DHRSX: variants seen among roughly 807,000 people sequenced by gnomAD.
The protein encoded by DHRSX is polyprenol dehydrogenase.
In DHRSX, 31 loss-of-function variants were observed where a neutral mutation model predicts 34.0. The ratio of observed to expected loss-of-function variants is 0.91; its 90% CI spans 0.69 to 1.23. DHRSX has a LOEUF of 1.23. DHRSX is among the 50% of genes most tolerant of loss of function. The pLI, the probability that DHRSX is intolerant of heterozygous loss-of-function variation, is 0.00. For synonymous variants in DHRSX, 201 were observed against 183.8 expected (o/e 1.09, Z -0.76); for missense variants, 414 against 428.1 (o/e 0.97, Z 0.29).
intron 1 of DHRSX, among the ~76,000 whole-genome samples, chrX:2,456,340 G>A (rs1452007328): frequency 2.0e-5 from 3 of 152,110 alleles, no homozygotes; most frequent in Non-Finnish European, 4.4e-5. Context: ...GCGGCCGGGC[G>A]CAGTGGCTCA....
chrX:2,408,300 T>A (rs1472168618), intron 3 of DHRSX, among the ~76,000 whole-genome samples: 1 of 151,892 alleles, frequency 6.6e-6, no homozygotes, highest in African/African-American at 2.4e-5. Flanking sequence ...GGTCTCCAAC[T>A]CCTGACCTCG....
intron 3 of DHRSX, among the ~76,000 whole-genome samples, chrX:2,368,616 A>G (rs1022802763): frequency 3.9e-5 from 6 of 151,948 alleles, no homozygotes; most frequent in Admixed American, 6.6e-5. Flanking sequence ...TTGGGAGGCC[A>G]AGGAGGGCGG....
At chrX:2,454,671 G>A (rs970170718) in intron 1 of DHRSX, among the ~76,000 whole-genome samples, 1 of 152,020 alleles carries the variant, frequency 6.6e-6, no homozygotes, top group African/African-American at 2.4e-5. Context: ...TGACTCCACG[G>A]TTTCCCAGAA....
At chrX:2,460,063 A>C (rs1179259308) in intron 1 of DHRSX, among the ~76,000 whole-genome samples, 1 of 152,110 alleles carries the variant, frequency 6.6e-6, no homozygotes, top group Non-Finnish European at 1.5e-5. Context: ...AGCCGAGATC[A>C]TGCCATTGCA....
chrX:2,360,453 C>T (rs189946390), intron 3 of DHRSX, among the ~76,000 whole-genome samples: 29 of 151,976 alleles, frequency 1.9e-4, no homozygotes, highest in South Asian at 4.2e-4. Flanking sequence ...TGTGGTGGTG[C>T]GTGCCTGTAA....
At chrX:2,285,059 G>A (rs1268584413) in intron 4 of DHRSX, among the ~76,000 whole-genome samples, 1 of 152,140 alleles carries the variant, frequency 6.6e-6, no homozygotes. Flanking sequence ...GTTTAGGGCA[G>A]CAGTCTCCAA....
intron 3 of DHRSX, among the ~76,000 whole-genome samples, chrX:2,312,353 A>T (rs1301038486): frequency 6.6e-6 from 1 of 152,164 alleles, no homozygotes; most frequent in African/African-American, 2.4e-5. Context: ...CAACTAATAA[A>T]GAAAATGTGG....
intron 4 of DHRSX, among the ~76,000 whole-genome samples, chrX:2,275,343 C>CAAAAAAAAAAAAAA (rs768710073): frequency 4.7e-5 from 6 of 127,310 alleles, no homozygotes; most frequent in Non-Finnish European, 8.3e-5. Flanking sequence ...ACTAAAAATA[C>CAAAAAAAAAAAAAA]AAAAAAAAAA....
rs746166098 is a variant in DHRSX, at chrX:2,302,612, A to AAAATAAATAAATAAAT, written c.287-11025_287-11010dup. On this transcript the variant is annotated intron_variant, in intron 3 of 6. Transcript: ENST00000334651. ...GGGTGACAGAGCCAGACTGTCTCAA[A>AAAATAAATAAATAAAT]AAATAAATAAATAAATAAATAAAGT... Among the ~76,000 whole-genome samples, 25 of 149,982 alleles carry AAAATAAATAAATAAAT rather than the reference A, an allele frequency of 1.7e-4. 1 individual carries two copies. Among genetic ancestry groups the AAAATAAATAAATAAAT allele is most frequent in the African/African-American group, 5.9e-4 (24 of 40,906 alleles).
intron 3 of DHRSX, among the ~76,000 whole-genome samples, chrX:2,338,811 A>G (rs1156530620): frequency 2.0e-5 from 3 of 151,932 alleles, no homozygotes; most frequent in East Asian, 3.9e-4. Flanking sequence ...TCCAGCCTCC[A>G]GTGTTCCTTT....
intron 5 of DHRSX, among the ~76,000 whole-genome samples, chrX:2,264,612 C>T (rs552984570): frequency 2.6e-4 from 38 of 145,314 alleles, no homozygotes; most frequent in African/African-American, 9.0e-4. Context: ...CCCAGAGGAC[C>T]ATGCCCAGCA....
chrX:2,470,953 GTTAA>G (rs1172025567), intron 1 of DHRSX, among the ~76,000 whole-genome samples: 1 of 152,216 alleles, frequency 6.6e-6, no homozygotes, highest in African/African-American at 2.4e-5. Flanking sequence ...ATGTTAATAT[GTTAA>G]TTAGCCTGAT....
chrX:2,322,401 T>C (rs1222809613), intron 3 of DHRSX, among the ~76,000 whole-genome samples: 1 of 151,634 alleles, frequency 6.6e-6, no homozygotes, highest in East Asian at 2.0e-4. Context: ...ATACAAAAAT[T>C]AGCTGGGCGT....
At chrX:2,490,796 A>G in intron 1 of DHRSX, 1 of 1,543,708 alleles carries the variant, frequency 6.5e-7, no homozygotes, top group Non-Finnish European at 8.7e-7. Flanking sequence ...AGACAAACAC[A>G]GCATGAGAAG....
chrX:2,445,402 AC>A (rs2044117221), intron 1 of DHRSX, among the ~76,000 whole-genome samples: 1 of 150,876 alleles, frequency 6.6e-6, no homozygotes, highest in South Asian at 2.1e-4. Context: ...CGTTTCTTTG[AC>A]TCCTCCTTCT....
chrX:2,260,071 G>C (rs1372086758), intron 5 of DHRSX, among the ~76,000 whole-genome samples: 2 of 150,676 alleles, frequency 1.3e-5, no homozygotes, highest in East Asian at 3.9e-4. Flanking sequence ...CAGCTCCTGG[G>C]GGCTCCGGGC....
chrX:2,332,142 A>G (rs1317951395), intron 3 of DHRSX, among the ~76,000 whole-genome samples: 3 of 152,178 alleles, frequency 2.0e-5, no homozygotes, highest in East Asian at 3.8e-4. Flanking sequence ...AACTTTGCCA[A>G]TTCCTCTGTT....
chrX:2,465,610 C>T lies in DHRSX; in HGVS notation c.109+35207G>A, dbSNP rs1423050627. On this transcript the variant is annotated intron_variant, in intron 1 of 6. Transcript: ENST00000334651. ...TTGAGGCCAGGAGTTCGAAACCAGC[C>T]TGCCCAACAGGTGAAACCCCGTCTC... 7.3e-5 allele frequency among the ~76,000 whole-genome samples: 11 copies of T among 151,522 alleles called. 1 individual carries two copies. The highest frequency in any genetic ancestry group is 4.2e-4 in the South Asian group (2 of 4,802).
rs748055056 is a variant in DHRSX, at chrX:2,490,438, G to A, written c.109+10379C>T. Reference sequence around the variant, plus strand: ...GGGACGACTCGGGCTTCAGCTTGGAGAAGGCGGTGGCGAAGGCTTCACGCA... The same window carrying A: ...GGGACGACTCGGGCTTCAGCTTGGAAAAGGCGGTGGCGAAGGCTTCACGCA... On this transcript the variant is annotated intron_variant, in intron 1 of 6. Coordinates refer to ENST00000334651, the MANE Select transcript of DHRSX (RefSeq NM_145177.3). 9.3e-6 allele frequency: 15 copies of A among 1,614,000 alleles called. No homozygotes were observed. In the South Asian group the frequency reaches 1.6e-4, roughly 18 times the overall value.
Sources: gnomAD v4.1 joint callset for allele counts (sites outside exome capture counted in the v4.1 genomes callset) on GRCh38, gnomAD v4.1.1 for gene constraint, MANE v1.5 for transcripts, NCBI Gene and HGNC (gene_info 2026-07-23, HGNC 2026-07-21) for gene names.